The following DST variants were observed in gnomAD, a reference collection of about 807,000 sequenced individuals.
The protein encoded by DST is bullous pemphigoid antigen.
DST carries 253 observed loss-of-function variants against 875.2 expected under a neutral mutation model. That is an observed-to-expected ratio of 0.29 (90% CI 0.26 to 0.32). The LOEUF is 0.32. Ranked by LOEUF, DST falls within the 10% of genes least tolerant of loss-of-function variation. The pLI is 1.00. For synonymous variants in DST, 3,124 were observed against 3,197.1 expected, an observed-to-expected ratio of 0.98 and a Z score of 0.77; for missense variants, 8,287 against 9,111.6, an observed-to-expected ratio of 0.91 and a Z score of 3.68.
chr6:56,501,696 A>G lies in DST; in HGVS notation c.19567-3T>C. 9 of 1,573,906 alleles carry G rather than the reference A, an allele frequency of 5.7e-6. No homozygotes were observed. Among genetic ancestry groups the G allele is most frequent in the Non-Finnish European group, 7.7e-6 (9 of 1,164,472 alleles). On this transcript the variant is annotated splice_polypyrimidine_tract_variant and splice_region_variant and intron_variant, in intron 78 of 103. Transcript: ENST00000680361. ...TGATAGGCCTCAGACTTAAATTGCT[A>G]TTTTAAAAGAGATATACAAAGAAAA...
At chr6:56,476,744 C>A (rs1237252139) in intron 91 of DST, among the ~76,000 whole-genome samples, 1 of 152,106 alleles carries the variant, frequency 6.6e-6, no homozygotes, top group South Asian at 2.1e-4. Context: ...ATCACGAGGT[C>A]AGTTCAAGAT....
chr6:56,634,111 G>C, intron 27 of DST, 21 bp downstream of exon 27: 2 of 1,612,260 alleles, frequency 1.2e-6, no homozygotes, highest in Non-Finnish European at 1.7e-6. Flanking sequence ...ATATCGAGTT[G>C]ACATACAGAT....
In DST at chr6:56,734,033, T is replaced by C. The variant is rs144651489; in HGVS notation, c.687+1195A>G. On this transcript the variant is annotated intron_variant, in intron 5 of 103. Coordinates refer to ENST00000680361, the MANE Select transcript of DST (RefSeq NM_001374736.1). The stretch of plus-strand genomic sequence containing the variant: ...ATTACAGTATCCACACCCCAAACTT[T>C]ACAGAGTGTCCTAGCCTGTAAGGAA... Among the ~76,000 whole-genome samples the C allele has an allele frequency of 3.4e-4, 52 of 152,350 alleles. 1 individual carries two copies. In the East Asian group the frequency reaches 8.5e-3, roughly 25 times the overall value.
intron 10 of DST, among the ~76,000 whole-genome samples, chr6:56,656,271 G>A (rs1311128480): frequency 6.6e-6 from 1 of 152,222 alleles, no homozygotes; most frequent in Non-Finnish European, 1.5e-5. Context: ...AAACAATTTG[G>A]AAAGCAGGCA....
intron 5 of DST, among the ~76,000 whole-genome samples, chr6:56,723,780 T>C (rs1373950637): frequency 6.6e-6 from 1 of 152,218 alleles, no homozygotes; most frequent in African/African-American, 2.4e-5. Context: ...TTAGGAAACA[T>C]TGGATTAAAC....
chr6:56,607,720 T>G lies in DST; in HGVS notation c.6908A>C (p.Glu2303Ala). The G allele has an allele frequency of 1.2e-6, 2 of 1,613,496 alleles. No individual in the cohort carries two copies. The highest frequency in any genetic ancestry group is 1.7e-6 in the Non-Finnish European group (2 of 1,179,670). Residue 2303 changes from glutamate to alanine, a missense_variant, in exon 40 of 104, where the codon GAA becomes GCA. Around this residue, in one of 10 missense-constraint regions of DST, gnomAD observed 3,138 missense variants for 3,116.6 expected, o/e 1.01. Transcript: ENST00000680361. ...PENRKCAIDE[E>A]FNEMRNTVIN... ...AACAGTATTTCTCATTTCATTAAAT[T>G]CTTCATCTATAGCACACTTTCTATT...
At chr6:56,810,397 T>C (rs1310798806) in intron 4 of DST, among the ~76,000 whole-genome samples, 1 of 152,146 alleles carries the variant, frequency 6.6e-6, no homozygotes, top group Non-Finnish European at 1.5e-5. Context: ...ACTGAGACTA[T>C]GTCAGTTATT....
intron 102 of DST, 43 bp from the exon 103 acceptor site, chr6:56,460,297 G>A: frequency 1.2e-6 from 2 of 1,608,446 alleles, no homozygotes; most frequent in African/African-American, 1.3e-5. Context: ...TATTGCTCCT[G>A]TACCATGATA....
In DST at chr6:56,553,006, G is replaced by A. The variant is rs761125580; in HGVS notation, c.15786C>T (p.His5262=). 1 of 1,613,892 alleles carries A rather than the reference G, an allele frequency of 6.2e-7. No homozygotes were observed. Among genetic ancestry groups the A allele is most frequent in the South Asian group, 1.1e-5 (1 of 91,080 alleles). ...QKVDMVTEQL[H]SKKFCLENMT... ...TGTTCTCCAGACAGAATTTCTTACT[G>A]TGAAGTTGTTCAGTGACCATGTCCA... The change falls in exon 61 of 104, where the codon CAC becomes CAT. Residue 5262 remains histidine, a synonymous_variant. Coordinates refer to ENST00000680361, the MANE Select transcript of DST (RefSeq NM_001374736.1).
intron 2 of DST, 119 bp from the exon 3 acceptor site, chr6:56,900,740 C>G (rs917288927): frequency 2.1e-5 from 14 of 665,212 alleles, no homozygotes; most frequent in Non-Finnish European, 2.8e-5. Context: ...ATCACGTGCA[C>G]TCCCAAAGTG....
intron 4 of DST, among the ~76,000 whole-genome samples, chr6:56,759,372 A>G (rs1294185494): frequency 2.0e-5 from 3 of 152,094 alleles, no homozygotes; most frequent in Non-Finnish European, 4.4e-5. Context: ...AATTGCTTTA[A>G]TCGGGGAGGC....
intron 36 of DST, 182 bp downstream of exon 36, chr6:56,624,344 GACAA>G (rs767491375): frequency 5.9e-6 from 4 of 681,312 alleles, no homozygotes; most frequent in Non-Finnish European, 1.1e-5. Context: ...GAATCTTAAA[GACAA>G]ACAAAAATCT....
chr6:56,781,842 T>G (rs1288280902), intron 4 of DST, among the ~76,000 whole-genome samples: 1 of 152,180 alleles, frequency 6.6e-6, no homozygotes, highest in Non-Finnish European at 1.5e-5. Flanking sequence ...CCATTCAGTA[T>G]GATATTGGCT....
intron 63 of DST, among the ~76,000 whole-genome samples, chr6:56,533,092 T>G (rs1050602240): frequency 1.3e-5 from 2 of 152,132 alleles, no homozygotes; most frequent in African/African-American, 2.4e-5. Context: ...CTAAAACAGC[T>G]TTTACACATC....
At chr6:56,596,007 T>TATTTAGTTATTTA (rs773304161) in intron 47 of DST, among the ~76,000 whole-genome samples, 1 of 145,786 alleles carries the variant, frequency 6.9e-6, no homozygotes, top group Non-Finnish European at 1.5e-5. Flanking sequence ...ACTTTCTTTC[T>TATTTAGTTATTTA]TTTATTTATT....
chr6:56,595,375 C>A (rs764583112), intron 47 of DST, among the ~76,000 whole-genome samples: 1 of 152,126 alleles, frequency 6.6e-6, no homozygotes, highest in Non-Finnish European at 1.5e-5. Context: ...CTCAACCACC[C>A]TTACCTAACT....
intron 79 of DST, 127 bp downstream of exon 79, chr6:56,501,393 G>A (rs926596225): frequency 1.2e-5 from 13 of 1,109,952 alleles, no homozygotes; most frequent in East Asian, 5.5e-5. Context: ...TAAGTTTGAC[G>A]CTCCTCATGG....
intron 4 of DST, among the ~76,000 whole-genome samples, chr6:56,839,596 A>T (rs983537615): frequency 6.6e-6 from 1 of 152,214 alleles, no homozygotes; most frequent in Non-Finnish European, 1.5e-5. Context: ...AGATCATTAC[A>T]TGCTGCAGAG....
At position 56,470,137 on chromosome 6, in the gene DST, G is replaced by T. The variant is rs765285817; in HGVS notation, c.22467C>A (p.Ile7489=). ...GGAAGATAATGAGTACCTCATCTTCGATTTTGTCGGCATCTGTGATAGGTT... is the reference window on the plus strand; with the variant it reads ...GGAAGATAATGAGTACCTCATCTTCTATTTTGTCGGCATCTGTGATAGGTT... ...AYKPITDADK[I]EDEVTRQVAK... is the part of the protein sequence containing the mutation. The change falls in exon 96 of 104, where the codon ATC becomes ATA. Residue 7489 remains isoleucine, a synonymous_variant. Coordinates refer to ENST00000680361, the MANE Select transcript of DST (RefSeq NM_001374736.1). 3 of 1,612,080 alleles carry T rather than the reference G, an allele frequency of 1.9e-6. No homozygotes were observed. The highest frequency in any genetic ancestry group is 2.5e-6 in the Non-Finnish European group (3 of 1,178,874).
Sources: allele counts gnomAD v4.1 joint callset (sites outside exome capture counted in the v4.1 genomes callset), GRCh38; gene constraint gnomAD v4.1.1; regional missense constraint gnomAD v4.1.1; transcripts MANE v1.5; gene names NCBI Gene and HGNC (gene_info 2026-07-23, HGNC 2026-07-21).